Variants in LRRK1 observed in about 807,000 individuals in gnomAD.
The protein encoded by LRRK1 is leucine-rich repeat serine/threonine-protein kinase 1.
In LRRK1, 113 loss-of-function variants were observed where a neutral mutation model predicts 209.1. The observed-to-expected ratio is 0.54, with a 90% confidence interval of 0.46 to 0.63. The LOEUF is 0.63. LRRK1 is among the 30% of genes least tolerant of loss of function. The pLI, the probability that LRRK1 is intolerant of heterozygous loss-of-function variation, is 0.00. For synonymous variants in LRRK1, 1,144 were observed against 1,099.7 expected, an observed-to-expected ratio of 1.04 and a Z score of -0.80; for missense variants, 2,284 against 2,632.2, an observed-to-expected ratio of 0.87 and a Z score of 2.89.
intron 21 of LRRK1, 120 bp from the exon 22 acceptor site, chr15:101,048,374 A>G (rs2035205343): frequency 1.3e-6 from 1 of 781,808 alleles, no homozygotes; most frequent in Non-Finnish European, 2.0e-6. Flanking sequence ...GTGGGAGGAG[A>G]GGGTGGGAAA....
intron 3 of LRRK1, among the ~76,000 whole-genome samples, chr15:100,976,621 A>C (rs1369669917): frequency 6.6e-6 from 1 of 152,220 alleles, no homozygotes; most frequent in Non-Finnish European, 1.5e-5. Flanking sequence ...CCATCTGAAA[A>C]TGCTTGTCAA....
At chr15:101,061,941 G>A (rs1316049568) in intron 30 of LRRK1, among the ~76,000 whole-genome samples, 66 of 152,222 alleles carry the variant, frequency 4.3e-4, no homozygotes, top group Admixed American at 4.3e-3. Flanking sequence ...CCAGGAGGTG[G>A]AGGTTGCAAT....
rs760753303 is a variant in LRRK1 at position 101,025,991 on chromosome 15, G to A, written c.2259G>A (p.Leu753=). 1.9e-6 allele frequency: 3 copies of A among 1,614,222 alleles called. No individual in the cohort carries two copies. In the South Asian group the frequency reaches 3.3e-5, roughly 18 times the overall value. The change falls in exon 17 of 34, where the codon CTG becomes CTA. Residue 753 remains leucine, a synonymous_variant. Coordinates refer to ENST00000388948, the MANE Select transcript of LRRK1 (RefSeq NM_024652.6). ...CCAAGGCCCCAAACGCCGTGGTGCT[G>A]GTGGTCGGGACGCACCTGGATTTAA... ...IEAKAPNAVV[L]VVGTHLDLIE... is the part of the protein sequence containing the mutation.
rs181386905 is a variant in LRRK1, at chr15:101,046,014, T to C, written c.2997T>C (p.Pro999=). Residue 999 remains proline, a synonymous_variant, in exon 21 of 34, where the codon CCT becomes CCC. Coordinates refer to ENST00000388948, the MANE Select transcript of LRRK1 (RefSeq NM_024652.6). Reference sequence around the variant, plus strand: ...TGCCCCATCTCCTTCCATCTAAACCTGGCCTGGACACCCACGGTATGCGGC... The same window carrying C: ...TGCCCCATCTCCTTCCATCTAAACCCGGCCTGGACACCCACGGTATGCGGC... ...YLLPHLLPSK[P]GLDTHGMRHP... 6.2e-7 allele frequency: 1 copy of C among 1,614,154 alleles called. No individual in the cohort carries two copies. The highest frequency in any genetic ancestry group is 2.2e-5 in the East Asian group (1 of 44,886).
At chr15:100,956,296 C>T (rs2042754331) in intron 2 of LRRK1, among the ~76,000 whole-genome samples, 3 of 151,800 alleles carry the variant, frequency 2.0e-5, no homozygotes, top group African/African-American at 7.3e-5. Context: ...ATAGTAGTCT[C>T]ATAATACTTT....
At position 100,919,447 on chromosome 15, in the gene LRRK1, C is replaced by T. The variant is rs2041978316; in HGVS notation, c.-127C>T. On this transcript the variant is annotated 5_prime_UTR_variant, in exon 1 of 34. Transcript: ENST00000388948. This position sits in a 1 kb window ranked among gnomAD's most constrained non-coding sequence, Gnocchi z 5.8. ...CGCCCGCACCCGGCCCCGCCGCCGC[C>T]TCAGGTAAGCGCCGCTCCTGCCGGC... The T allele has an allele frequency of 6.7e-6, 1 of 148,688 alleles. No individual in the cohort carries two copies. Among genetic ancestry groups the T allele is most frequent in the Admixed American group, 6.7e-5 (1 of 14,856 alleles). 9.2% of individuals were successfully genotyped at this position (148,688 alleles called of 1,614,324 possible).
rs758006341 is a variant in LRRK1, at chr15:101,012,063, T to C, written c.1337T>C (p.Val446Ala). Reference protein sequence around the residue: ...ALECLPDKMAVFWKNHLKDVD... With the variant: ...ALECLPDKMAAFWKNHLKDVD... ...GAATGTCTGCCAGACAAAATGGCTG[T>C]CTTTTGGAAAAATCACCTGAAGGAT... Residue 446 changes from valine to alanine, a missense_variant, in exon 10 of 34, where the codon GTC becomes GCC. This residue lies in a region of LRRK1 where 494 missense variants were observed against 522.1 expected (regional missense o/e 0.95). Coordinates refer to ENST00000388948, the MANE Select transcript of LRRK1 (RefSeq NM_024652.6). 1 of 1,612,452 alleles carries C rather than the reference T, an allele frequency of 6.2e-7. No homozygotes were observed. The highest frequency in any genetic ancestry group is 2.2e-5 in the East Asian group (1 of 44,860).
intron 2 of LRRK1, among the ~76,000 whole-genome samples, chr15:100,970,668 A>C (rs1246482064): frequency 6.6e-6 from 1 of 152,148 alleles, no homozygotes; most frequent in African/African-American, 2.4e-5. Context: ...AGGTCTTTCA[A>C]ATTTCCATAT....
intron 16 of LRRK1, among the ~76,000 whole-genome samples, chr15:101,025,613 G>A (rs1567242092): frequency 6.6e-6 from 1 of 152,232 alleles, no homozygotes; most frequent in Non-Finnish European, 1.5e-5. Context: ...CACATAGTGA[G>A]AGAGGGAGCA....
intron 3 of LRRK1, among the ~76,000 whole-genome samples, chr15:100,975,204 G>A (rs1331342618): frequency 6.6e-6 from 1 of 152,260 alleles, no homozygotes; most frequent in Non-Finnish European, 1.5e-5. Context: ...GTGGCCTCAA[G>A]CAGGGAGGAG....
At chr15:101,028,838 T>G in intron 19 of LRRK1, 118 bp from the exon 20 acceptor site, 16 of 1,064,278 alleles carry the variant, frequency 1.5e-5, no homozygotes, top group East Asian at 2.4e-5. Context: ...ATGTGGGACA[T>G]GTTGGTTTCT....
intron 2 of LRRK1, among the ~76,000 whole-genome samples, chr15:100,929,382 G>A (rs901994552): frequency 2.0e-5 from 3 of 152,172 alleles, no homozygotes; most frequent in Non-Finnish European, 2.9e-5. Context: ...GACCAAAGGA[G>A]GAGAAGGAAC....
intron 2 of LRRK1, among the ~76,000 whole-genome samples, chr15:100,972,055 T>C (rs2030919497): frequency 6.6e-6 from 1 of 152,044 alleles, no homozygotes; most frequent in African/African-American, 2.4e-5. Flanking sequence ...CTCAGGCTCC[T>C]GGGTTCAAGT....
At chr15:101,015,724 A>C (rs986323201) in intron 12 of LRRK1, among the ~76,000 whole-genome samples, 19 of 152,214 alleles carry the variant, frequency 1.2e-4, no homozygotes, top group African/African-American at 4.1e-4. Context: ...TCATCCTCAC[A>C]ACGTGAGGTA....
Position 101,014,342 on chromosome 15 carries a change from GA to G in LRRK1, c.1448del (p.Asn483ThrfsTer34), listed in dbSNP as rs1236634989. On this transcript the variant is annotated frameshift_variant, in exon 11 of 34. Coordinates refer to ENST00000388948, the MANE Select transcript of LRRK1 (RefSeq NM_024652.6). LOFTEE classifies it high-confidence loss of function. ...DALMFLRLQG[N>X]QLAALPPQEK... Reference sequence around the variant, plus strand: ...CCCTCATGTTCTTGAGGTTACAGGGGAACCAGCTGGCGGCACTTCCACCTCA... The same window carrying G: ...CCCTCATGTTCTTGAGGTTACAGGGGACCAGCTGGCGGCACTTCCACCTCA... 1 of 1,613,686 alleles carries G rather than the reference GA, an allele frequency of 6.2e-7. No homozygotes were observed. The highest frequency in any genetic ancestry group is 2.2e-5 in the East Asian group (1 of 44,856).
intron 2 of LRRK1, among the ~76,000 whole-genome samples, chr15:100,961,451 A>G (rs8030705): frequency 0.22 from 32,969 of 151,884 alleles, 3,874 homozygotes; most frequent in East Asian, 0.5. Context: ...TCAAGCGATC[A>G]AGACCATACT....
chr15:100,928,648 T>TA (rs1317902893), intron 2 of LRRK1, among the ~76,000 whole-genome samples: 1 of 152,212 alleles, frequency 6.6e-6, no homozygotes, highest in East Asian at 1.9e-4. Context: ...ACCCACACTT[T>TA]AAAAAAGAGT....
At chr15:101,047,678 C>T (rs961381357) in intron 21 of LRRK1, among the ~76,000 whole-genome samples, 6 of 152,230 alleles carry the variant, frequency 3.9e-5, no homozygotes, top group African/African-American at 1.2e-4. Flanking sequence ...AAAGCTGAGC[C>T]GTAATCCCCA....
chr15:100,937,635 T>C (rs960034912), intron 2 of LRRK1, among the ~76,000 whole-genome samples: 6 of 151,442 alleles, frequency 4.0e-5, no homozygotes, highest in East Asian at 2.0e-4. Flanking sequence ...CCCAGGTTGA[T>C]GCCATTCTCC....
Sources: allele counts gnomAD v4.1 joint callset (sites outside exome capture counted in the v4.1 genomes callset), GRCh38; gene constraint gnomAD v4.1.1; regional missense constraint gnomAD v4.1.1; non-coding constraint Gnocchi (gnomAD v3.1); transcripts MANE v1.5; gene names NCBI Gene and HGNC (gene_info 2026-07-23, HGNC 2026-07-21).